Variants in RPL34 observed in about 807,000 individuals in gnomAD.
RPL34 encodes ribosomal protein L34.
Under a neutral mutation model 16.3 loss-of-function variants are expected in RPL34, and 2 were observed. The observed-to-expected ratio is 0.12, with a 90% CI of 0.05 to 0.39. The LOEUF (loss-of-function observed/expected upper bound fraction) is 0.39, where lower values mean the gene tolerates loss of function less well. RPL34 is among the 10% of genes least tolerant of loss of function. The probability of loss-of-function intolerance (pLI) is 0.99; values close to 1 mark genes in which losing one functional copy is unlikely to be tolerated. For missense variants in RPL34, 82 were observed against 148.8 expected, an observed-to-expected ratio of 0.55 and a Z score of 2.33; for synonymous variants, 47 against 48.5, an observed-to-expected ratio of 0.97 and a Z score of 0.13.
chr4:108,625,874 T>G (rs1725984666), downstream of RPL34, among the ~76,000 whole-genome samples: 1 of 152,176 alleles, frequency 6.6e-6, no homozygotes, highest in South Asian at 2.1e-4. Context: ...TGGTATCTCC[T>G]TTACGTCAGC....
At chr4:108,624,249 A>G (rs190175174) in intron 4 of RPL34, among the ~76,000 whole-genome samples, 2 of 152,290 alleles carry the variant, frequency 1.3e-5, no homozygotes, top group East Asian at 3.9e-4. Context: ...GCTTTGAGTA[A>G]GTTAAGGGAA....
chr4:108,627,490 A>G (rs565432539), downstream of RPL34, among the ~76,000 whole-genome samples: 17 of 152,346 alleles, frequency 1.1e-4, no homozygotes, highest in South Asian at 1.2e-3. Flanking sequence ...TCTTGGTATA[A>G]AAAATTTTTA....
chr4:108,629,869 T>TC (rs1338900059), downstream of RPL34, among the ~76,000 whole-genome samples: 8 of 152,264 alleles, frequency 5.3e-5, no homozygotes, highest in African/African-American at 1.9e-4. Flanking sequence ...CAGGGCTATG[T>TC]CCAACTTTCA....
At chr4:108,622,426 C>T (rs1046172192) in intron 3 of RPL34, 89 bp from the exon 4 acceptor site, 4 of 972,014 alleles carry the variant, frequency 4.1e-6, no homozygotes, top group South Asian at 1.4e-5. Flanking sequence ...CCCTTTGTAA[C>T]CTACTTTAAA....
downstream of RPL34, chr4:108,630,368 T>C (rs1250373789): frequency 1.3e-5 from 2 of 152,030 alleles, no homozygotes; most frequent in African/African-American, 4.8e-5. Context: ...CTGTAAAGAG[T>C]TTAGGGTTTG....
Position 108,625,281 on chromosome 4 carries a change from G to C in RPL34, c.*69G>C. On this transcript the variant is annotated 3_prime_UTR_variant, in exon 5 of 5. Transcript: ENST00000394667. The stretch of plus-strand genomic sequence containing the variant: ...ATGTATGACTTTTTTTTTTTCTGTT[G>C]TAATGTGTTAGTATACAGATTTTGT... 1 of 876,620 alleles carries C rather than the reference G, an allele frequency of 1.1e-6. No homozygotes were observed. The highest frequency in any genetic ancestry group is 1.8e-6 in the Non-Finnish European group (1 of 546,658). The allele number at this position is 876,620 out of a possible 1,614,324, so 54.3% of individuals were successfully genotyped here. A position where few individuals can be genotyped will look rare whatever the true frequency, so the allele number is the denominator to read the frequency against.
Position 108,620,589 on chromosome 4 carries a change from C to G in RPL34, c.-21C>G, listed in dbSNP as rs946420527. The G allele has an allele frequency of 1.9e-5, 6 of 318,038 alleles. No homozygotes were observed. Among genetic ancestry groups the G allele is most frequent in the Non-Finnish European group, 3.2e-5 (5 of 158,042 alleles). 19.7% of individuals were successfully genotyped at this position (318,038 alleles called of 1,614,324 possible). On this transcript the variant is annotated 5_prime_UTR_variant, in exon 1 of 5. Transcript: ENST00000394667. ...GGCTTTTTTCTTCCTCTTCCGGGGA[C>G]GTTGTCTGCAGGTATGGATGTTGTT...
chr4:108,629,021 T>C (rs949585432), downstream of RPL34, among the ~76,000 whole-genome samples: 1 of 152,192 alleles, frequency 6.6e-6, no homozygotes, highest in Non-Finnish European at 1.5e-5. Flanking sequence ...GTTCGCCATG[T>C]TGGCCAGGCT....
At chr4:108,627,270 C>A (rs1252340457), downstream of RPL34, among the ~76,000 whole-genome samples, 1 of 152,068 alleles carries the variant, frequency 6.6e-6, no homozygotes, top group Non-Finnish European at 1.5e-5. Context: ...TAGGCCAGAC[C>A]CAGTGGCTCA....
Position 108,622,096 on chromosome 4 carries a change from A to G in RPL34, c.66-9A>G. On this transcript the variant is annotated splice_polypyrimidine_tract_variant and intron_variant, in intron 2 of 4. Coordinates refer to ENST00000394667, the MANE Select transcript of RPL34 (RefSeq NM_001319236.2). Reference sequence around the variant, plus strand: ...AAAATGCTGACCTACTGACTGTTTCACTTTCTAGGTCCCGAACCCCTGGTA... The same window carrying G: ...AAAATGCTGACCTACTGACTGTTTCGCTTTCTAGGTCCCGAACCCCTGGTA... The G allele has an allele frequency of 3.7e-6, 6 of 1,609,620 alleles. No individual in the cohort carries two copies. Among genetic ancestry groups the G allele is most frequent in the Non-Finnish European group, 5.1e-6 (6 of 1,175,930 alleles).
chr4:108,627,232 C>T (rs1336450302), downstream of RPL34, among the ~76,000 whole-genome samples: 3 of 148,238 alleles, frequency 2.0e-5, no homozygotes, highest in South Asian at 2.1e-4. Flanking sequence ...GAGCGAGACT[C>T]GGTCTCCAAA....
At chr4:108,626,975 C>T (rs1726026190), downstream of RPL34, among the ~76,000 whole-genome samples, 1 of 152,172 alleles carries the variant, frequency 6.6e-6, no homozygotes, top group African/African-American at 2.4e-5. Context: ...CGCCGTGGTT[C>T]ATGCCTGTAA....
At chr4:108,628,821 CTAT>C (rs1231883525), downstream of RPL34, among the ~76,000 whole-genome samples, 4 of 151,920 alleles carry the variant, frequency 2.6e-5, no homozygotes, top group Non-Finnish European at 2.9e-5. Context: ...TCACTACTTA[CTAT>C]TATTATTATT....
Position 108,622,065 on chromosome 4 carries a change from C to G in RPL34, c.66-40C>G, listed in dbSNP as rs763572761. ...AATTTTAAGTATATATTGTCATTTA[C>G]TCTACAAAATGCTGACCTACTGACT... is the stretch of plus-strand genomic sequence containing the variant. On this transcript the variant is annotated intron_variant, in intron 2 of 4. Transcript: ENST00000394667. 7 of 1,592,976 alleles carry G rather than the reference C, an allele frequency of 4.4e-6. No homozygotes were observed. In the South Asian group the frequency reaches 7.7e-5, roughly 18 times the overall value.
downstream of RPL34, among the ~76,000 whole-genome samples, chr4:108,627,007 A>G (rs1394510835): frequency 6.6e-6 from 1 of 152,138 alleles, no homozygotes; most frequent in African/African-American, 2.4e-5. Flanking sequence ...TGGGAGGCCA[A>G]GGCGGGCGGA....
At chr4:108,625,506 C>T (rs956867654), downstream of RPL34, 7 of 246,846 alleles carry the variant, frequency 2.8e-5, no homozygotes, top group Admixed American at 1.5e-4. Context: ...CTGCCTCAGC[C>T]TCCCAAGTAG....
At chr4:108,629,586 A>T (rs1011479227), downstream of RPL34, among the ~76,000 whole-genome samples, 7 of 152,160 alleles carry the variant, frequency 4.6e-5, no homozygotes, top group African/African-American at 1.2e-4. Context: ...CTCTTATTGA[A>T]TCCAGTTCTA....
intron 1 of RPL34, 21 bp from the exon 2 acceptor site, chr4:108,621,903 TTTACTTTTACAATGGAAAGATTTGATG>T: frequency 7.9e-7 from 1 of 1,262,380 alleles, no homozygotes; most frequent in Non-Finnish European, 1.2e-6. Context: ...TGAGATTTTA[TTTACTTTTACAATGGAAAGATTTGATG>T]TTACTCTATT....
downstream of RPL34, among the ~76,000 whole-genome samples, chr4:108,627,768 A>G (rs1268169511): frequency 6.6e-6 from 1 of 152,066 alleles, no homozygotes; most frequent in Non-Finnish European, 1.5e-5. Context: ...AGAATGAGGC[A>G]GAAGAATCGC....
Sources: gnomAD v4.1 joint callset for allele counts (sites outside exome capture counted in the v4.1 genomes callset) on GRCh38, gnomAD v4.1.1 for gene constraint, MANE v1.5 for transcripts, NCBI Gene and HGNC (gene_info 2026-07-23, HGNC 2026-07-21) for gene names.